Variants in TMEM92 observed in about 807,000 individuals in gnomAD.
TMEM92 encodes transmembrane protein 92.
A neutral mutation model predicts 14.6 loss-of-function variants in TMEM92; 15 were observed. The observed-to-expected ratio is 1.03, with a 90% CI of 0.69 to 1.58. The LOEUF (loss-of-function observed/expected upper bound fraction) is 1.58, where lower values mean the gene tolerates loss of function less well. TMEM92 is among the 40% of genes most tolerant of loss of function. TMEM92 has a pLI of 0.00. For missense variants in TMEM92, 174 were observed against 202.4 expected (o/e 0.86, Z 0.85); for synonymous variants, 85 against 83.3 (o/e 1.02, Z -0.11).
rs141491658 is a variant in TMEM92, at chr17:50,277,577, G to A, written c.70-138G>A. 5.3e-6 allele frequency: 5 copies of A among 950,400 alleles called. No homozygotes were observed. In the Admixed American group the frequency reaches 8.0e-5, roughly 15 times the overall value. The allele number at this position is 950,400 out of a possible 1,614,324, so 58.9% of individuals were successfully genotyped here. On this transcript the variant is annotated intron_variant, in intron 1 of 4. Transcript: ENST00000507382. ...CTGGGAACACGGTGGAGTGAGGTGGGGGGTGGCTTGCAGGAAGAGGCTGAG... is the reference window on the plus strand; with the variant it reads ...CTGGGAACACGGTGGAGTGAGGTGGAGGGTGGCTTGCAGGAAGAGGCTGAG...
At chr17:50,274,628 C>T (rs1910367877) in intron 1 of TMEM92, 58 bp downstream of exon 1, 17 of 1,494,716 alleles carry the variant, frequency 1.1e-5, no homozygotes, top group Non-Finnish European at 1.6e-5. Flanking sequence ...AGGTCAGGAG[C>T]CTGCTTCTGG....
intron 1 of TMEM92, among the ~76,000 whole-genome samples, chr17:50,276,791 C>T (rs757260831): frequency 4.6e-5 from 7 of 152,274 alleles, no homozygotes; most frequent in East Asian, 1.9e-4. Flanking sequence ...CCTGCCCTCG[C>T]GGAGTTTGCC....
At chr17:50,276,217 A>T (rs2059237777) in intron 1 of TMEM92, among the ~76,000 whole-genome samples, 1 of 152,202 alleles carries the variant, frequency 6.6e-6, no homozygotes, top group South Asian at 2.1e-4. Context: ...CCCGGCCTCA[A>T]GCAATCCACC....
chr17:50,277,826 G>A, intron 2 of TMEM92, 86 bp downstream of exon 2: 1 of 1,547,208 alleles, frequency 6.5e-7, no homozygotes, highest in East Asian at 2.2e-5. Flanking sequence ...GGGTGTGGGA[G>A]GCCAGAAACT....
At chr17:50,276,997 GAC>G (rs1910450459) in intron 1 of TMEM92, among the ~76,000 whole-genome samples, 1 of 152,106 alleles carries the variant, frequency 6.6e-6, no homozygotes. Flanking sequence ...GTGTGGCTTT[GAC>G]ACACAATTGC....
At chr17:50,273,969 G>GTTATTTAT (rs3062755), upstream of TMEM92, among the ~76,000 whole-genome samples, 17 of 150,278 alleles carry the variant, frequency 1.1e-4, no homozygotes, top group Admixed American at 2.0e-4. Context: ...TTAAATTTAG[G>GTTATTTAT]TTATTTATTT....
intron 1 of TMEM92, among the ~76,000 whole-genome samples, chr17:50,275,394 G>A (rs1034878091): frequency 6.6e-6 from 1 of 152,122 alleles, no homozygotes; most frequent in African/African-American, 2.4e-5. Context: ...GTGGACCCGG[G>A]TTAGTGAGCA....
At chr17:50,273,435 A>G (rs1910318484), upstream of TMEM92, among the ~76,000 whole-genome samples, 1 of 152,156 alleles carries the variant, frequency 6.6e-6, no homozygotes. Flanking sequence ...GGGTCTTTCC[A>G]GGAATCTGGA....
At chr17:50,274,114 G>T (rs1424724662), upstream of TMEM92, among the ~76,000 whole-genome samples, 1 of 152,040 alleles carries the variant, frequency 6.6e-6, no homozygotes, top group East Asian at 1.9e-4. Context: ...GAGTAGTTGG[G>T]ATTACAGGCA....
chr17:50,274,422 G>A, upstream of TMEM92: 2 of 1,506,966 alleles, frequency 1.3e-6, no homozygotes, highest in Non-Finnish European at 1.8e-6. Flanking sequence ...CCGAGGCGGG[G>A]CCCCATAGGT....
upstream of TMEM92, among the ~76,000 whole-genome samples, chr17:50,272,230 T>C (rs1020351061): frequency 6.6e-6 from 1 of 151,164 alleles, no homozygotes; most frequent in African/African-American, 2.4e-5. Flanking sequence ...CCTAGTTCCC[T>C]CACCCCCACT....
chr17:50,274,443 G>A (rs553213744), upstream of TMEM92: 2 of 1,578,184 alleles, frequency 1.3e-6, no homozygotes, highest in Admixed American at 3.4e-5. Context: ...GGAGAGAAGT[G>A]GGAGAGGTCG....
chr17:50,273,596 G>A (rs1386368202), upstream of TMEM92, among the ~76,000 whole-genome samples: 2 of 152,186 alleles, frequency 1.3e-5, no homozygotes, highest in Non-Finnish European at 2.9e-5. Flanking sequence ...AAGAGGGGAG[G>A]GGACACGAAG....
intron 2 of TMEM92, among the ~76,000 whole-genome samples, chr17:50,278,307 T>C (rs1023200915): frequency 3.4e-4 from 52 of 152,224 alleles, no homozygotes; most frequent in Non-Finnish European, 5.6e-4. Flanking sequence ...GTCAACAGGA[T>C]ACTTCTTCTA....
At position 50,279,574 on chromosome 17, in the gene TMEM92, T is replaced by C. The variant is rs1598331026; in HGVS notation, c.*266T>C. ...GAAAGAAAATGCTGACCATTGGAGG[T>C]GCCCAACAGTAGAATGGGCTACTGT... is the stretch of plus-strand genomic sequence containing the variant. On this transcript the variant is annotated 3_prime_UTR_variant, in exon 5 of 5. Coordinates refer to ENST00000507382, the MANE Select transcript of TMEM92 (RefSeq NM_153229.3). 1 of 420,970 alleles carries C rather than the reference T, an allele frequency of 2.4e-6. No homozygotes were observed. The highest frequency in any genetic ancestry group is 4.3e-6 in the Non-Finnish European group (1 of 230,804). The allele number at this position is 420,970 out of a possible 1,614,324, so 26.1% of individuals were successfully genotyped here. A position where few individuals can be genotyped will look rare whatever the true frequency, so the allele number is the denominator to read the frequency against.
chr17:50,273,841 C>T (rs1910329779), upstream of TMEM92, among the ~76,000 whole-genome samples: 1 of 152,216 alleles, frequency 6.6e-6, no homozygotes, highest in African/African-American at 2.4e-5. Context: ...GCTTCCACGT[C>T]CCCTTCCCAC....
upstream of TMEM92, chr17:50,274,347 C>G (rs1910349320): frequency 1.4e-6 from 1 of 704,512 alleles, no homozygotes; most frequent in East Asian, 2.7e-5. Context: ...CTCCCTTCCT[C>G]CCTTCCTCCT....
At position 50,277,676 on chromosome 17, in the gene TMEM92, T is replaced by C. The variant is rs375363655; in HGVS notation, c.70-39T>C. The C allele has an allele frequency of 4.3e-6, 7 of 1,613,360 alleles. No homozygotes were observed. In the African/African-American group the frequency reaches 6.7e-5, roughly 15 times the overall value. On this transcript the variant is annotated intron_variant, in intron 1 of 4. Coordinates refer to ENST00000507382, the MANE Select transcript of TMEM92 (RefSeq NM_153229.3). Reference sequence around the variant, plus strand: ...GAGACCCTACCCCCACTATCCCCAGTTTATGACCCTGACCCCCGACCTCTC... The same window carrying C: ...GAGACCCTACCCCCACTATCCCCAGCTTATGACCCTGACCCCCGACCTCTC...
In TMEM92 at chr17:50,278,636, C is replaced by A. The variant is rs1910507330; in HGVS notation, c.170+6C>A. On this transcript the variant is annotated splice_donor_region_variant and intron_variant, in intron 3 of 4. Transcript: ENST00000507382. ...CTCTTCCCTGGCCCCGTGAGGTGAG[C>A]CCAGGGCCAGCTCCTTTGGGTGCAG... is the stretch of plus-strand genomic sequence containing the variant. 1.2e-6 allele frequency: 2 copies of A among 1,613,450 alleles called. No individual in the cohort carries two copies. Among genetic ancestry groups the A allele is most frequent in the East Asian group, 2.2e-5 (1 of 44,850 alleles).
Sources: gnomAD v4.1 joint callset for allele counts (sites outside exome capture counted in the v4.1 genomes callset) on GRCh38, gnomAD v4.1.1 for gene constraint, MANE v1.5 for transcripts, NCBI Gene and HGNC (gene_info 2026-07-23, HGNC 2026-07-21) for gene names.